CENPP: variants seen among roughly 807,000 people sequenced by gnomAD.
The protein encoded by CENPP is centromere protein P.
Under a neutral mutation model 35.6 loss-of-function variants are expected in CENPP, and 24 were observed. The ratio of observed to expected loss-of-function variants is 0.67; its 90% CI spans 0.49 to 0.95. CENPP has a LOEUF of 0.95. Ranked by LOEUF, CENPP falls within the 40% of genes least tolerant of loss-of-function variation. The pLI is 0.00. For missense variants in CENPP, 332 were observed against 345.3 expected, an observed-to-expected ratio of 0.96 and a Z score of 0.31; for synonymous variants, 120 against 125.5, an observed-to-expected ratio of 0.96 and a Z score of 0.29.
intron 5 of CENPP, among the ~76,000 whole-genome samples, chr9:92,500,446 G>T (rs896992983): frequency 6.6e-6 from 1 of 152,216 alleles, no homozygotes; most frequent in Non-Finnish European, 1.5e-5. Context: ...GCGTCCCAAA[G>T]TGCTGGAATT....
intron 6 of CENPP, among the ~76,000 whole-genome samples, chr9:92,611,952 G>A (rs1851267425): frequency 6.6e-6 from 1 of 152,216 alleles, no homozygotes; most frequent in Admixed American, 6.5e-5. Flanking sequence ...TGGTCCTTAT[G>A]CAGGCTTCTG....
intron 5 of CENPP, among the ~76,000 whole-genome samples, chr9:92,543,471 C>CAAAAAAA (rs71362401): frequency 2.2e-5 from 1 of 44,538 alleles, no homozygotes; most frequent in Non-Finnish European, 3.9e-5. Context: ...AACCCTGTCT[C>CAAAAAAA]AAAAAAAAAA....
intron 5 of CENPP, among the ~76,000 whole-genome samples, chr9:92,569,739 G>A (rs1358829400): frequency 6.6e-6 from 1 of 152,078 alleles, no homozygotes; most frequent in Non-Finnish European, 1.5e-5. Flanking sequence ...ATTTGTTTGT[G>A]TCCCTTTTTA....
At chr9:92,521,144 T>C (rs1339636237) in intron 5 of CENPP, among the ~76,000 whole-genome samples, 1 of 152,228 alleles carries the variant, frequency 6.6e-6, no homozygotes, top group African/African-American at 2.4e-5. Flanking sequence ...TACTGTAAGA[T>C]CACTGGAAAA....
chr9:92,338,118 C>T (rs891427549), intron 3 of CENPP, among the ~76,000 whole-genome samples: 4 of 152,026 alleles, frequency 2.6e-5, no homozygotes, highest in Non-Finnish European at 4.4e-5. Context: ...TTGAGACCAG[C>T]GTGGGCAATG....
At chr9:92,342,137 G>A (rs1019975643) in intron 3 of CENPP, among the ~76,000 whole-genome samples, 9 of 152,342 alleles carry the variant, frequency 5.9e-5, no homozygotes, top group Non-Finnish European at 1.2e-4. Context: ...AAGAAGTTGG[G>A]CAAAGAAAGC....
At chr9:92,459,608 C>A in intron 5 of CENPP, 2 of 1,608,758 alleles carry the variant, frequency 1.2e-6, no homozygotes, top group Non-Finnish European at 1.7e-6. Context: ...CCAATATCTA[C>A]TGAACACAAG....
intron 5 of CENPP, among the ~76,000 whole-genome samples, chr9:92,520,805 G>A (rs902939975): frequency 2.0e-5 from 3 of 152,146 alleles, no homozygotes; most frequent in African/African-American, 7.2e-5. Flanking sequence ...TCTGATACAG[G>A]CTAATAATAG....
chr9:92,513,106 C>G (rs1305170024), intron 5 of CENPP, among the ~76,000 whole-genome samples: 1 of 152,188 alleles, frequency 6.6e-6, no homozygotes, highest in Non-Finnish European at 1.5e-5. Flanking sequence ...ACACCCGTGG[C>G]ATGGGGGCCT....
intron 1 of CENPP, among the ~76,000 whole-genome samples, chr9:92,330,205 A>G (rs1357700334): frequency 1.3e-5 from 2 of 152,236 alleles, no homozygotes; most frequent in Admixed American, 6.5e-5. Context: ...TCCAAGGTAT[A>G]GAGCCTGACA....
chr9:92,448,713 TGAAAAG>T (rs1844617815), intron 5 of CENPP, among the ~76,000 whole-genome samples: 2 of 152,054 alleles, frequency 1.3e-5, no homozygotes, highest in African/African-American at 4.8e-5. Flanking sequence ...CAAAAAAACC[TGAAAAG>T]GTATCCCAAA....
intron 5 of CENPP, chr9:92,522,789 A>G (rs1848159978): frequency 1.2e-6 from 2 of 1,613,642 alleles, no homozygotes; most frequent in Non-Finnish European, 1.7e-6. Flanking sequence ...TTTGCTTCCT[A>G]GGAATTTCTT....
chr9:92,457,790 G>T (rs1329551409), intron 5 of CENPP, among the ~76,000 whole-genome samples: 3 of 151,958 alleles, frequency 2.0e-5, no homozygotes, highest in African/African-American at 7.3e-5. Context: ...ACATACATAC[G>T]TACATACATA....
intron 5 of CENPP, among the ~76,000 whole-genome samples, chr9:92,452,958 T>C (rs944054184): frequency 1.3e-5 from 2 of 152,198 alleles, no homozygotes; most frequent in Non-Finnish European, 2.9e-5. Flanking sequence ...CCCTTTATCA[T>C]TTTTTATTGC....
chr9:92,390,563 A>AGTGTGTGTGTGTGTGT (rs61628295), intron 5 of CENPP, among the ~76,000 whole-genome samples: 14 of 150,448 alleles, frequency 9.3e-5, no homozygotes, highest in African/African-American at 3.2e-4. Context: ...AGAGAAATTC[A>AGTGTGTGTGTGTGTGT]GTGTGTGTGT....
intron 5 of CENPP, among the ~76,000 whole-genome samples, chr9:92,591,190 C>T (rs1365574544): frequency 6.6e-6 from 1 of 151,982 alleles, no homozygotes; most frequent in Non-Finnish European, 1.5e-5. Flanking sequence ...GAGGCTGAGG[C>T]GGGTGGATCA....
At chr9:92,367,814 C>T (rs1408609383) in intron 4 of CENPP, among the ~76,000 whole-genome samples, 1 of 152,236 alleles carries the variant, frequency 6.6e-6, no homozygotes, top group African/African-American at 2.4e-5. Context: ...GATGGGGTTT[C>T]ACCACATTGG....
chr9:92,408,715 G>A (rs1343763766), intron 5 of CENPP, among the ~76,000 whole-genome samples: 1 of 152,156 alleles, frequency 6.6e-6, no homozygotes, highest in African/African-American at 2.4e-5. Context: ...CCCACTAGAT[G>A]CTAGTAGTTG....
chr9:92,509,491 G>T (rs1412692366), intron 5 of CENPP, among the ~76,000 whole-genome samples: 1 of 152,198 alleles, frequency 6.6e-6, no homozygotes, highest in South Asian at 2.1e-4. Context: ...GACCATCAGA[G>T]TGATAAAGGA....
Sources: gnomAD v4.1 joint callset for allele counts (sites outside exome capture counted in the v4.1 genomes callset) on GRCh38, gnomAD v4.1.1 for gene constraint, MANE v1.5 for transcripts, NCBI Gene and HGNC (gene_info 2026-07-23, HGNC 2026-07-21) for gene names.